The following NT5M variants were observed in gnomAD, a reference collection of about 807,000 sequenced individuals.
The protein encoded by NT5M is 5'(3')-deoxyribonucleotidase, mitochondrial.
Under a neutral mutation model 22.2 loss-of-function variants are expected in NT5M, and 22 were observed. The observed-to-expected ratio is 0.99, with a 90% CI of 0.71 to 1.41. NT5M has a LOEUF of 1.41. Among genes scored for constraint, NT5M ranks in the 40% most tolerant of loss-of-function variants. NT5M has a pLI of 0.00. For synonymous variants in NT5M, 167 were observed against 133.0 expected (o/e 1.26, Z -1.76); for missense variants, 322 against 314.8 (o/e 1.02, Z -0.17).
At chr17:17,310,610 C>T (rs1429719326) in intron 2 of NT5M, among the ~76,000 whole-genome samples, 1 of 151,958 alleles carries the variant, frequency 6.6e-6, no homozygotes, top group Non-Finnish European at 1.5e-5. Flanking sequence ...CCGAGGCAGG[C>T]AGATCACTTG....
Position 17,323,247 on chromosome 17 carries a change from T to C in NT5M, c.429+2T>C, listed in dbSNP as rs1176996422. 6.2e-7 allele frequency: 1 copy of C among 1,613,230 alleles called. No individual in the cohort carries two copies. The highest frequency in any genetic ancestry group is 8.5e-7 in the Non-Finnish European group (1 of 1,179,170). ...TTCAAGTACTGTCCCTATGAGAAGGTAAGGCGTGCGTCTGCTCAGCTGAGC... is the reference window on the plus strand; with the variant it reads ...TTCAAGTACTGTCCCTATGAGAAGGCAAGGCGTGCGTCTGCTCAGCTGAGC... On this transcript the variant is annotated splice_donor_variant, in intron 3 of 4. Coordinates refer to ENST00000389022, the MANE Select transcript of NT5M (RefSeq NM_020201.4). LOFTEE classifies it high-confidence loss of function.
At chr17:17,309,632 A>G (rs1220392510) in intron 2 of NT5M, among the ~76,000 whole-genome samples, 1 of 146,408 alleles carries the variant, frequency 6.8e-6, no homozygotes, top group Non-Finnish European at 1.5e-5. Flanking sequence ...GATTTTGTGA[A>G]TTTTGGGTTG....
At chr17:17,343,303 G>A (rs1470177788) in intron 3 of NT5M, among the ~76,000 whole-genome samples, 3 of 152,154 alleles carry the variant, frequency 2.0e-5, no homozygotes, top group Non-Finnish European at 4.4e-5. Flanking sequence ...GTTCCAGTCA[G>A]AGGAAATGGC....
chr17:17,327,178 T>C lies in NT5M; in HGVS notation c.429+3933T>C, dbSNP rs546667959. 8.8e-5 allele frequency among the ~76,000 whole-genome samples: 9 copies of C among 102,268 alleles called. 2 individuals carry two copies. The highest frequency in any genetic ancestry group is 1.2e-3 in the East Asian group (2 of 1,696). The allele number at this position is 102,268 out of a possible 152,430, so 67.1% of individuals were successfully genotyped here. ...ATCCACCCATCTTGTCCTCCCAGAGTGCTAGGATTACAGGTGAGCCACCAC... is the reference window on the plus strand; with the variant it reads ...ATCCACCCATCTTGTCCTCCCAGAGCGCTAGGATTACAGGTGAGCCACCAC... On this transcript the variant is annotated intron_variant, in intron 3 of 4. Transcript: ENST00000389022.
intron 2 of NT5M, among the ~76,000 whole-genome samples, chr17:17,316,654 A>G (rs1250159618): frequency 1.4e-5 from 2 of 141,012 alleles, no homozygotes; most frequent in Non-Finnish European, 3.1e-5. Context: ...GGGATTACAG[A>G]AGTGAGCCAC....
intron 3 of NT5M, among the ~76,000 whole-genome samples, chr17:17,342,033 A>T (rs1174013839): frequency 1.3e-5 from 2 of 151,938 alleles, no homozygotes; most frequent in East Asian, 3.9e-4. Flanking sequence ...TGTCTCAAAA[A>T]AAAGAAAAAA....
intron 3 of NT5M, among the ~76,000 whole-genome samples, chr17:17,342,768 C>A (rs980758525): frequency 6.6e-6 from 1 of 152,212 alleles, no homozygotes; most frequent in African/African-American, 2.4e-5. Context: ...TGCAGTGAGG[C>A]CTCTGTGTGA....
At chr17:17,329,070 C>T (rs1015507972) in intron 3 of NT5M, among the ~76,000 whole-genome samples, 15 of 152,152 alleles carry the variant, frequency 9.9e-5, no homozygotes, top group South Asian at 8.3e-4. Flanking sequence ...CTCCCCATCC[C>T]GGGTTCATGC....
chr17:17,346,457 G>A (rs2049760081), intron 4 of NT5M, among the ~76,000 whole-genome samples: 1 of 152,162 alleles, frequency 6.6e-6, no homozygotes, highest in Admixed American at 6.5e-5. Flanking sequence ...ACACCGTGTG[G>A]TGTAAGCCAT....
intron 3 of NT5M, among the ~76,000 whole-genome samples, chr17:17,326,413 GA>G (rs1423931792): frequency 6.6e-6 from 1 of 152,202 alleles, no homozygotes; most frequent in Non-Finnish European, 1.5e-5. Flanking sequence ...TATTTAAGAG[GA>G]AAGGGATGTC....
chr17:17,306,642 AAGTAAGTTTGTCCTCCCAGCCACTC>A lies in NT5M; in HGVS notation c.368+12_368+36del. Reference sequence around the variant, plus strand: ...TGTCAAGGAGATGGCCAGCCTACAAAAGTAAGTTTGTCCTCCCAGCCACTCAGTAAGTTTGTCTGAGCAGCCACTG... The same window carrying A: ...TGTCAAGGAGATGGCCAGCCTACAAAAGTAAGTTTGTCTGAGCAGCCACTG... On this transcript the variant is annotated splice_donor_variant and splice_donor_5th_base_variant and coding_sequence_variant and intron_variant, in exon 2 of 5. Transcript: ENST00000389022. LOFTEE classifies it high-confidence loss of function. 6.2e-7 allele frequency: 1 copy of A among 1,611,058 alleles called. No individual in the cohort carries two copies. The highest frequency in any genetic ancestry group is 8.5e-7 in the Non-Finnish European group (1 of 1,177,330).
chr17:17,312,967 G>A (rs933529758), intron 2 of NT5M, among the ~76,000 whole-genome samples: 23 of 151,826 alleles, frequency 1.5e-4, no homozygotes, highest in Admixed American at 7.2e-4. Context: ...GCAAGACCCC[G>A]TCTCTTAAAA....
intron 2 of NT5M, among the ~76,000 whole-genome samples, chr17:17,321,164 G>A (rs916652371): frequency 3.9e-4 from 59 of 151,826 alleles, no homozygotes; most frequent in African/African-American, 1.4e-3. Context: ...GCGGGCATTC[G>A]GGAGGTGCCA....
intron 1 of NT5M, among the ~76,000 whole-genome samples, chr17:17,305,347 C>G (rs995081522): frequency 6.6e-6 from 1 of 151,068 alleles, no homozygotes; most frequent in Non-Finnish European, 1.5e-5. Context: ...CTGTGGACAT[C>G]CCTGGGCCTA....
chr17:17,311,425 G>A (rs911614821), intron 2 of NT5M, among the ~76,000 whole-genome samples: 9 of 152,066 alleles, frequency 5.9e-5, no homozygotes, highest in African/African-American at 2.2e-4. Flanking sequence ...GTGTGAGGTA[G>A]GGGGTCAAAC....
chr17:17,312,732 G>A (rs953613789), intron 2 of NT5M, among the ~76,000 whole-genome samples: 2 of 152,034 alleles, frequency 1.3e-5, no homozygotes, highest in African/African-American at 4.8e-5. Flanking sequence ...ACTGAGGCAG[G>A]AGAATCACCT....
intron 2 of NT5M, among the ~76,000 whole-genome samples, chr17:17,313,237 C>G (rs933395214): frequency 5.9e-5 from 9 of 152,062 alleles, no homozygotes; most frequent in African/African-American, 1.9e-4. Flanking sequence ...TGAGATTGCG[C>G]CATTGCACTC....
At chr17:17,305,372 A>G (rs1480975202) in intron 1 of NT5M, among the ~76,000 whole-genome samples, 1 of 136,902 alleles carries the variant, frequency 7.3e-6, no homozygotes, top group Non-Finnish European at 1.6e-5. Context: ...AAGCTGGCCC[A>G]GTATCTGTGG....
intron 3 of NT5M, among the ~76,000 whole-genome samples, chr17:17,330,742 C>CTTTTT (rs58633073): frequency 7.2e-4 from 85 of 118,706 alleles, no homozygotes; most frequent in Middle Eastern, 4.9e-3. Context: ...TTCTTTCTTT[C>CTTTTT]TTTTTTTTTT....
Sources: gnomAD v4.1 joint callset for allele counts (sites outside exome capture counted in the v4.1 genomes callset) on GRCh38, gnomAD v4.1.1 for gene constraint, MANE v1.5 for transcripts, NCBI Gene and HGNC (gene_info 2026-07-23, HGNC 2026-07-21) for gene names.